The following SH2D5 variants were observed in gnomAD, a reference collection of about 807,000 sequenced individuals.
The protein encoded by SH2D5 is SH2 domain-containing protein 5.
Under a neutral mutation model 48.2 loss-of-function variants are expected in SH2D5, and 45 were observed. The observed-to-expected ratio is 0.93, with a 90% CI of 0.73 to 1.20. The LOEUF is 1.20. SH2D5 is among the 50% of genes most tolerant of loss of function. The probability of loss-of-function intolerance (pLI) is 0.00; values close to 1 mark genes in which losing one functional copy is unlikely to be tolerated. For synonymous variants in SH2D5, 230 were observed against 249.8 expected, an observed-to-expected ratio of 0.92 and a Z score of 0.75; for missense variants, 538 against 584.1, an observed-to-expected ratio of 0.92 and a Z score of 0.81.
intron 1 of SH2D5, among the ~76,000 whole-genome samples, chr1:20,730,305 TCGGG>T (rs770542447): frequency 6.3e-4 from 13 of 20,560 alleles, no homozygotes; most frequent in African/African-American, 2.1e-3. Flanking sequence ...CCCATCCTGC[TCGGG>T]GGGGGGGGGG....
At chr1:20,726,200 G>T (rs10916852) in intron 4 of SH2D5, 134 bp from the exon 5 acceptor site, 95,842 of 1,146,112 alleles carry the variant, frequency 0.084, 6,031 homozygotes, top group African/African-American at 0.3. Flanking sequence ...CTTCACATGG[G>T]CCCTGGGGCT....
Position 20,724,379 on chromosome 1 carries a change from G to T in SH2D5, c.630+17C>A. The T allele has an allele frequency of 1.2e-6, 2 of 1,610,780 alleles. No homozygotes were observed. The highest frequency in any genetic ancestry group is 1.7e-6 in the Non-Finnish European group (2 of 1,178,648). On this transcript the variant is annotated intron_variant, in intron 6 of 9. Coordinates refer to ENST00000444387, the MANE Select transcript of SH2D5 (RefSeq NM_001103161.2). ...TCCCTTGTCCACTGCCCACTCCTTG[G>T]CTGGGGTGCTGCGTACCCCACTGCC...
intron 8 of SH2D5, 28 bp downstream of exon 8, chr1:20,723,598 G>A: frequency 6.4e-7 from 1 of 1,563,694 alleles, no homozygotes. Flanking sequence ...AAGGGACTGG[G>A]CGTCAGGCCA....
rs746393113 is a variant in SH2D5, at chr1:20,723,723, A to G, written c.811T>C (p.Trp271Arg). The G allele has an allele frequency of 6.2e-6, 10 of 1,612,658 alleles. No homozygotes were observed. The East Asian group carries it at 2.0e-4, about 32-fold the overall frequency. The part of the protein sequence containing the change: ...LSAREAFPAA[W>R]EAWPRGPGGH... ...CCAGGACCCCGGGGCCATGCCTCCC[A>G]TGCGGCAGGAACTGTGGAGACCATC... is the stretch of plus-strand genomic sequence containing the variant. Residue 271 changes from tryptophan (W) to arginine (R), a missense_variant, in exon 8 of 10, where the codon TGG becomes CGG. Physicochemically the swap from Trp to Arg is moderately radical, Grantham distance 101. Coordinates refer to ENST00000444387, the MANE Select transcript of SH2D5 (RefSeq NM_001103161.2).
Position 20,724,669 on chromosome 1 carries a change from A to C in SH2D5, c.391-34T>G. The C allele has an allele frequency of 2.0e-6, 3 of 1,501,878 alleles. No homozygotes were observed. In the South Asian group the frequency reaches 3.9e-5, roughly 20 times the overall value. 93.0% of individuals were successfully genotyped at this position (1,501,878 alleles called of 1,614,324 possible). On this transcript the variant is annotated intron_variant, in intron 5 of 9. Transcript: ENST00000444387. ...GAGGGAGAGAGGTGGGCTCAGCTGG[A>C]GGAGGTCTCCATCTCCCAGTGAACT...
chr1:20,723,898 C>A (rs113913434), intron 7 of SH2D5, among the ~76,000 whole-genome samples, 164 bp from the exon 8 acceptor site: 2 of 152,262 alleles, frequency 1.3e-5, no homozygotes, highest in East Asian at 3.9e-4. Context: ...GGTCCATACA[C>A]GGCTGTACAC....
intron 7 of SH2D5, 40 bp from the exon 8 acceptor site, chr1:20,723,774 G>C: frequency 6.5e-7 from 1 of 1,530,774 alleles, no homozygotes; most frequent in Non-Finnish European, 9.0e-7. Flanking sequence ...GAGTGGCCGA[G>C]CCCTCCCATT....
In SH2D5 at chr1:20,721,900, C is replaced by G. The variant is rs773160674; in HGVS notation, c.1164G>C (p.Leu388=). 6.8e-6 allele frequency: 11 copies of G among 1,613,186 alleles called. No individual in the cohort carries two copies. The South Asian group carries it at 1.2e-4, about 18-fold the overall frequency. Residue 388 remains leucine, a synonymous_variant, in exon 10 of 10, where the codon CTG becomes CTC. Transcript: ENST00000444387. Reference sequence around the variant, plus strand: ...AGTCCTGCTCCTCGTAGGTGGGGTTCAGGCGGCCCATGTCGAGGGGACAGA... The same window carrying G: ...AGTCCTGCTCCTCGTAGGTGGGGTTGAGGCGGCCCATGTCGAGGGGACAGA... ...SLFCPLDMGR[L]NPTYEEQDCG...
At position 20,724,604 on chromosome 1, in the gene SH2D5, G is replaced by A. The variant is rs1239089050; in HGVS notation, c.422C>T (p.Ser141Phe). The change falls in exon 6 of 10, where the codon TCT (serine) becomes TTT (phenylalanine). Residue 141 changes from serine to phenylalanine, a missense_variant. Ser to Phe is a radical substitution (Grantham distance 155). Transcript: ENST00000444387. Reference sequence around the variant, plus strand: ...CTGCAAGAGGTAAGCCAGCTGGAAAGAGCGGCACAGCAGCAGGTGCAGGAT... The same window carrying A: ...CTGCAAGAGGTAAGCCAGCTGGAAAAAGCGGCACAGCAGCAGGTGCAGGAT... Reference protein sequence around the residue: ...VQILHLLLCRSFQLAYLLQHP... With the variant: ...VQILHLLLCRFFQLAYLLQHP... The A allele has an allele frequency of 6.3e-7, 1 of 1,586,676 alleles. No individual in the cohort carries two copies. Among genetic ancestry groups the A allele is most frequent in the Non-Finnish European group, 8.6e-7 (1 of 1,167,490 alleles).
rs1334617938 is a variant in SH2D5, at chr1:20,726,870, C to T, written c.243+131G>A. On this transcript the variant is annotated intron_variant, in intron 4 of 9. Coordinates refer to ENST00000444387, the MANE Select transcript of SH2D5 (RefSeq NM_001103161.2). ...CAAAGGCCCAGAGCAGGTAGGCTGG[C>T]GCGCCAGGGGGACCCCAGGGGAAGC... 9.3e-5 allele frequency: 63 copies of T among 679,248 alleles called. No homozygotes were observed. The East Asian group carries it at 1.6e-3, about 17-fold the overall frequency. 42.1% of individuals were successfully genotyped at this position (679,248 alleles called of 1,614,324 possible). A position where few individuals can be genotyped will look rare whatever the true frequency, so the allele number is the denominator to read the frequency against.
chr1:20,723,211 C>T (rs1209716319), intron 8 of SH2D5, among the ~76,000 whole-genome samples: 2 of 152,146 alleles, frequency 1.3e-5, no homozygotes, highest in Non-Finnish European at 2.9e-5. Context: ...AAAGCAACAG[C>T]AAAAACCCAA....
At chr1:20,723,022 A>T in intron 8 of SH2D5, 107 bp from the exon 9 acceptor site, 2 of 1,134,876 alleles carry the variant, frequency 1.8e-6, no homozygotes, top group South Asian at 3.9e-5. Flanking sequence ...GCCCTTAAAC[A>T]CACGGTGCGT....
At position 20,722,930 on chromosome 1, in the gene SH2D5, G is replaced by A. The variant is rs760029044; in HGVS notation, c.909-15C>T. The A allele has an allele frequency of 1.7e-5, 27 of 1,552,722 alleles. No individual in the cohort carries two copies. Among genetic ancestry groups the A allele is most frequent in the Non-Finnish European group, 2.3e-5 (26 of 1,147,638 alleles). ...GGGCACAGGGCCTAGGAGCACAGAG[G>A]GGAGAGAGTAAAGGCTGGACTGCTC... On this transcript the variant is annotated splice_polypyrimidine_tract_variant and intron_variant, in intron 8 of 9. Transcript: ENST00000444387.
At position 20,723,974 on chromosome 1, in the gene SH2D5, C is replaced by A; in HGVS notation, c.799+109G>T. ...AGTGCACAGGCATCACTTGGAGGTG[C>A]GGCCACAGCCTTGCAGGAACGGGCA... On this transcript the variant is annotated intron_variant, in intron 7 of 9. Transcript: ENST00000444387. The A allele has an allele frequency of 2.2e-6, 3 of 1,387,164 alleles. No individual in the cohort carries two copies. In the South Asian group the frequency reaches 4.0e-5, roughly 18 times the overall value. 85.9% of individuals were successfully genotyped at this position (1,387,164 alleles called of 1,614,324 possible).
Position 20,727,623 on chromosome 1 carries a change from A to G in SH2D5, c.88-20T>C. 3 of 1,596,336 alleles carry G rather than the reference A, an allele frequency of 1.9e-6. No individual in the cohort carries two copies. Among genetic ancestry groups the G allele is most frequent in the Non-Finnish European group, 1.7e-6 (2 of 1,171,840 alleles). On this transcript the variant is annotated intron_variant, in intron 2 of 9. Transcript: ENST00000444387. ...CACGTACTGCTCGGCAGTGGGGTGA[A>G]GGGAGTAAGGCGGGGAGTCAGGCCC...
intron 9 of SH2D5, 23 bp from the exon 10 acceptor site, chr1:20,722,018 C>T (rs764554366): frequency 6.2e-7 from 1 of 1,603,594 alleles, no homozygotes; most frequent in South Asian, 1.1e-5. Flanking sequence ...GGGACTTCAG[C>T]TCCAGTCCCC....
Position 20,728,054 on chromosome 1 carries a change from G to T in SH2D5, c.-10C>A. On this transcript the variant is annotated 5_prime_UTR_variant, in exon 2 of 10. Coordinates refer to ENST00000444387, the MANE Select transcript of SH2D5 (RefSeq NM_001103161.2). This position sits in a 1 kb window ranked among gnomAD's most constrained non-coding sequence, Gnocchi z 4.3. ...CCCCCGCCTTCTGCATGGCCCCCAG[G>T]GTGCCTGGCTTCCAGCTCCACGGGA... 1 of 1,532,992 alleles carries T rather than the reference G, an allele frequency of 6.5e-7. No homozygotes were observed. Among genetic ancestry groups the T allele is most frequent in the Non-Finnish European group, 8.8e-7 (1 of 1,136,568 alleles). The allele number at this position is 1,532,992 out of a possible 1,614,324, so 95.0% of individuals were successfully genotyped here.
chr1:20,727,170 C>T, intron 3 of SH2D5, 95 bp from the exon 4 acceptor site: 1 of 1,041,204 alleles, frequency 9.6e-7, no homozygotes, highest in Non-Finnish European at 1.4e-6. Context: ...CTGGTCAGCC[C>T]ACTCCACCAC....
intron 9 of SH2D5, among the ~76,000 whole-genome samples, chr1:20,722,259 GGACAA>G (rs2054701986): frequency 6.6e-6 from 1 of 152,202 alleles, no homozygotes; most frequent in Non-Finnish European, 1.5e-5. Flanking sequence ...CTGGGGGGCA[GGACAA>G]GACATCACAC....
Sources: allele counts gnomAD v4.1 joint callset (sites outside exome capture counted in the v4.1 genomes callset), GRCh38; gene constraint gnomAD v4.1.1; non-coding constraint Gnocchi (gnomAD v3.1); transcripts MANE v1.5; gene names NCBI Gene and HGNC (gene_info 2026-07-23, HGNC 2026-07-21).